The following PTPRT variants were observed in gnomAD, a reference collection of about 807,000 sequenced individuals.
PTPRT encodes receptor-type tyrosine-protein phosphatase T.
In PTPRT, 56 loss-of-function variants were observed where a neutral mutation model predicts 176.8. The ratio of observed to expected loss-of-function variants is 0.32; its 90% CI spans 0.26 to 0.40. The LOEUF (loss-of-function observed/expected upper bound fraction) is 0.40. Ranked by LOEUF, PTPRT falls within the 10% of genes least tolerant of loss-of-function variation. PTPRT has a pLI of 1.00. For missense variants in PTPRT, 1,540 were observed against 1,908.2 expected (o/e 0.81, Z 3.60); for synonymous variants, 783 against 739.0 (o/e 1.06, Z -0.96).
At chr20:42,336,502 C>T (rs1293674763) in intron 11 of PTPRT, among the ~76,000 whole-genome samples, 1 of 152,022 alleles carries the variant, frequency 6.6e-6, no homozygotes, top group Admixed American at 6.6e-5. Context: ...GTATTTGTTA[C>T]TTTGAGATTT....
intron 1 of PTPRT, among the ~76,000 whole-genome samples, chr20:42,999,229 T>C (rs1410901829): frequency 2.6e-5 from 4 of 152,170 alleles, no homozygotes; most frequent in African/African-American, 9.7e-5. Context: ...ACTGCACATA[T>C]AGTAATAGAC....
In PTPRT at chr20:42,161,406, C is replaced by T. The variant is rs746313718; in HGVS notation, c.2628G>A (p.Gln876=). The change falls in exon 17 of 31, where the codon CAG becomes CAA. Residue 876 remains glutamine, a synonymous_variant. Coordinates refer to ENST00000373187, the MANE Select transcript of PTPRT (RefSeq NM_007050.6). ...GGCCTCTCTTCATCTGCGTGATGTG[C>T]TGCAGCAAGTCAGCCACCCGGATGG... ...QPAIRVADLL[Q]HITQMKRGQG... is the part of the protein sequence containing the mutation. 1.9e-6 allele frequency: 3 copies of T among 1,614,172 alleles called. No individual in the cohort carries two copies. Among genetic ancestry groups the T allele is most frequent in the South Asian group, 2.2e-5 (2 of 91,076 alleles).
intron 16 of PTPRT, among the ~76,000 whole-genome samples, chr20:42,165,096 T>A (rs868663189): frequency 4.6e-5 from 7 of 152,156 alleles, no homozygotes; most frequent in Admixed American, 2.0e-4. Context: ...TGGGTTACTG[T>A]CTCACTGATT....
At chr20:43,136,667 A>C (rs2013842699) in intron 1 of PTPRT, among the ~76,000 whole-genome samples, 1 of 152,116 alleles carries the variant, frequency 6.6e-6, no homozygotes, top group Non-Finnish European at 1.5e-5. Flanking sequence ...CAACACCCTC[A>C]GACACCTCCA....
intron 4 of PTPRT, among the ~76,000 whole-genome samples, chr20:42,772,125 T>G (rs1253141116): frequency 6.6e-6 from 1 of 152,088 alleles, no homozygotes; most frequent in East Asian, 1.9e-4. Context: ...GTGACGATGT[T>G]GATGAGGAAG....
chr20:42,820,232 G>A (rs1300434711), intron 2 of PTPRT, among the ~76,000 whole-genome samples: 2 of 151,850 alleles, frequency 1.3e-5, no homozygotes, highest in South Asian at 4.2e-4. Context: ...CAGACCACAG[G>A]GCAATCAAAT....
chr20:42,293,482 T>G (rs1249653348), intron 12 of PTPRT, among the ~76,000 whole-genome samples: 1 of 152,208 alleles, frequency 6.6e-6, no homozygotes, highest in African/African-American at 2.4e-5. Context: ...GCCTATGTAT[T>G]TATCCTTTAC....
At chr20:42,451,363 G>C (rs2070823826) in intron 8 of PTPRT, among the ~76,000 whole-genome samples, 1 of 152,084 alleles carries the variant, frequency 6.6e-6, no homozygotes, top group Admixed American at 6.6e-5. Flanking sequence ...AAGCTGGTGA[G>C]CTCAGTTTTT....
At chr20:42,937,162 C>G (rs553237763) in intron 1 of PTPRT, among the ~76,000 whole-genome samples, 2 of 152,330 alleles carry the variant, frequency 1.3e-5, no homozygotes, top group Admixed American at 1.3e-4. Context: ...CATCATAAAA[C>G]TATTCCAAGA....
chr20:42,513,833 A>C (rs2072007547), intron 7 of PTPRT, among the ~76,000 whole-genome samples: 1 of 152,178 alleles, frequency 6.6e-6, no homozygotes, highest in Non-Finnish European at 1.5e-5. Flanking sequence ...AGCAGTGATA[A>C]ACCTCCAATG....
At chr20:42,100,578 G>A (rs1985835015) in intron 26 of PTPRT, among the ~76,000 whole-genome samples, 1 of 152,200 alleles carries the variant, frequency 6.6e-6, no homozygotes, top group Admixed American at 6.5e-5. Flanking sequence ...AACCTATTAA[G>A]TAGAGGCCAG....
intron 11 of PTPRT, among the ~76,000 whole-genome samples, chr20:42,348,562 TTC>T (rs1472871056): frequency 6.6e-6 from 1 of 152,146 alleles, no homozygotes; most frequent in African/African-American, 2.4e-5. Flanking sequence ...CTGACTTAGC[TTC>T]TGTTTGTCTC....
chr20:42,124,290 TG>T (rs1470564249), intron 19 of PTPRT, among the ~76,000 whole-genome samples: 1 of 152,254 alleles, frequency 6.6e-6, no homozygotes, highest in African/African-American at 2.4e-5. Context: ...AAACCAGCAC[TG>T]GGCCTGCCTC....
intron 7 of PTPRT, among the ~76,000 whole-genome samples, chr20:42,661,057 G>A (rs933451415): frequency 6.6e-6 from 1 of 151,970 alleles, no homozygotes; most frequent in Non-Finnish European, 1.5e-5. Flanking sequence ...CACCATATTG[G>A]CCAGCCTGGT....
chr20:42,973,139 G>A (rs1201928926), intron 1 of PTPRT, among the ~76,000 whole-genome samples: 1 of 151,534 alleles, frequency 6.6e-6, no homozygotes, highest in Non-Finnish European at 1.5e-5. Context: ...ATGGAGAGAA[G>A]AATACCTTTC....
chr20:42,964,564 CAACTCTCTTT>C (rs1311194646), intron 1 of PTPRT, among the ~76,000 whole-genome samples: 9 of 152,054 alleles, frequency 5.9e-5, no homozygotes, highest in Non-Finnish European at 1.3e-4. Context: ...GAATTTAATA[CAACTCTCTTT>C]AAGTCCTGAC....
chr20:42,045,410 A>G, the PTPRT span, among the ~76,000 whole-genome samples: 1 of 151,482 alleles, frequency 6.6e-6, no homozygotes, highest in Admixed American at 6.6e-5. Context: ...TGCAGGCAAG[A>G]AAGTTTCGTT....
At chr20:42,329,572 G>C (rs1292527750) in intron 11 of PTPRT, among the ~76,000 whole-genome samples, 1 of 151,940 alleles carries the variant, frequency 6.6e-6, no homozygotes, top group Non-Finnish European at 1.5e-5. Context: ...TCAATAAACG[G>C]TGTGGAGGAA....
chr20:42,371,826 A>G (rs1056222977), intron 9 of PTPRT, among the ~76,000 whole-genome samples: 4 of 152,204 alleles, frequency 2.6e-5, no homozygotes, highest in African/African-American at 9.6e-5. Context: ...AGTTGTGTCC[A>G]GGTGAGCTGC....
Sources: allele counts gnomAD v4.1 joint callset (sites outside exome capture counted in the v4.1 genomes callset), GRCh38; gene constraint gnomAD v4.1.1; transcripts MANE v1.5; gene names NCBI Gene and HGNC (gene_info 2026-07-23, HGNC 2026-07-21).